C2orf76: variants seen among roughly 807,000 people sequenced by gnomAD.
C2orf76 encodes the protein UPF0538 protein C2orf76.
A neutral mutation model predicts 16.9 loss-of-function variants in C2orf76; 23 were observed. That is an observed-to-expected ratio of 1.36 (90% CI 0.98 to 1.93). C2orf76 has a LOEUF of 1.93. Ranked by LOEUF, C2orf76 falls within the 30% of genes most tolerant of loss-of-function variation. C2orf76 has a pLI of 0.00. For synonymous variants in C2orf76, 48 were observed against 52.3 expected, an observed-to-expected ratio of 0.92 and a Z score of 0.35; for missense variants, 152 against 152.6, an observed-to-expected ratio of 1.00 and a Z score of 0.02.
intron 2 of C2orf76, among the ~76,000 whole-genome samples, chr2:119,337,129 C>T (rs528126283): frequency 6.8e-4 from 104 of 151,986 alleles, no homozygotes; most frequent in African/African-American, 2.3e-3. Flanking sequence ...AATCAAAGCT[C>T]ACTGCAGCCT....
At chr2:119,359,214 A>G (rs1283701725) in intron 1 of C2orf76, among the ~76,000 whole-genome samples, 1 of 152,196 alleles carries the variant, frequency 6.6e-6, no homozygotes, top group Non-Finnish European at 1.5e-5. Context: ...TTTTAAGCCC[A>G]CTGTTGAGAC....
chr2:119,294,798 C>T, the C2orf76 span, among the ~76,000 whole-genome samples: 3 of 152,282 alleles, frequency 2.0e-5, no homozygotes, highest in Admixed American at 2.0e-4. Context: ...CACCCCACCA[C>T]GCGCAGTACA....
At chr2:119,302,952 T>TC (rs113439320) in intron 5 of C2orf76, among the ~76,000 whole-genome samples, 53,214 of 151,562 alleles carry the variant, frequency 0.35, 9,722 homozygotes, top group South Asian at 0.43. Flanking sequence ...AAAACTCTTT[T>TC]CCCCCCCTGA....
At chr2:119,367,125 C>A, upstream of C2orf76, 2 of 1,605,392 alleles carry the variant, frequency 1.2e-6, no homozygotes, top group Non-Finnish European at 1.7e-6. Flanking sequence ...GGGGCTCAGC[C>A]GGCTGCCAGA....
chr2:119,345,934 G>A (rs575767188), intron 1 of C2orf76, among the ~76,000 whole-genome samples: 13 of 151,522 alleles, frequency 8.6e-5, no homozygotes, highest in African/African-American at 1.9e-4. Flanking sequence ...GGTGGCGGGC[G>A]CCTGTAGCTA....
At chr2:119,329,768 T>G (rs1679615348) in intron 2 of C2orf76, among the ~76,000 whole-genome samples, 1 of 152,198 alleles carries the variant, frequency 6.6e-6, no homozygotes, top group Non-Finnish European at 1.5e-5. Context: ...TCTGCTGGCC[T>G]TTGTGCTACT....
chr2:119,311,205 C>G, intron 5 of C2orf76: 1 of 985,400 alleles, frequency 1.0e-6, no homozygotes. Flanking sequence ...CTGAGTGATT[C>G]GGAAGACTAT....
chr2:119,326,176 T>C (rs114904351), intron 2 of C2orf76, among the ~76,000 whole-genome samples: 2,247 of 152,348 alleles, frequency 0.015, 36 homozygotes, highest in Non-Finnish European at 0.021. Flanking sequence ...CTAAGGTTTG[T>C]TGCTGTTTTC....
At chr2:119,347,159 G>A (rs984757945) in intron 1 of C2orf76, among the ~76,000 whole-genome samples, 4 of 152,112 alleles carry the variant, frequency 2.6e-5, no homozygotes, top group African/African-American at 7.2e-5. Context: ...TGAATGAATC[G>A]AGCCTCCAGA....
chr2:119,302,562 GA>G lies in C2orf76; in HGVS notation c.305-15del. ...CAGTTTCACTGGCTGAAAAAAAACA[GA>G]AAATGGAAAAAAAGATTTTAATGTA... On this transcript the variant is annotated splice_polypyrimidine_tract_variant and intron_variant, in intron 5 of 5. Transcript: ENST00000334816. 2 of 1,465,892 alleles carry G rather than the reference GA, an allele frequency of 1.4e-6. No homozygotes were observed. Among genetic ancestry groups the G allele is most frequent in the Non-Finnish European group, 1.8e-6 (2 of 1,081,596 alleles). The allele number at this position is 1,465,892 out of a possible 1,614,324, so 90.8% of individuals were successfully genotyped here. A position where few individuals can be genotyped will look rare whatever the true frequency, so the allele number is the denominator to read the frequency against.
chr2:119,352,207 A>G (rs1159434437), intron 1 of C2orf76, among the ~76,000 whole-genome samples: 1 of 152,254 alleles, frequency 6.6e-6, no homozygotes, highest in Non-Finnish European at 1.5e-5. Flanking sequence ...ACTCCTAGAG[A>G]GAATCATTTT....
intron 2 of C2orf76, among the ~76,000 whole-genome samples, 191 bp downstream of exon 2, chr2:119,339,636 T>C (rs1255913646): frequency 1.3e-5 from 2 of 151,038 alleles, no homozygotes; most frequent in Non-Finnish European, 2.9e-5. Flanking sequence ...ACACAGACTA[T>C]TCAGTGAGAA....
downstream of C2orf76, chr2:119,302,192 A>G (rs1678636098): frequency 4.3e-6 from 1 of 232,232 alleles, no homozygotes; most frequent in African/African-American, 2.3e-5. Flanking sequence ...ATTTTAGAAA[A>G]CAAATTATAA....
intron 5 of C2orf76, among the ~76,000 whole-genome samples, chr2:119,306,688 G>C (rs1678797253): frequency 6.6e-6 from 1 of 151,972 alleles, no homozygotes; most frequent in Non-Finnish European, 1.5e-5. Context: ...TACAATTGCT[G>C]ACAAAAAATT....
chr2:119,347,341 AAG>A (rs1290902813), intron 1 of C2orf76, among the ~76,000 whole-genome samples: 2 of 152,228 alleles, frequency 1.3e-5, no homozygotes, highest in Non-Finnish European at 2.9e-5. Context: ...TATATATTAA[AAG>A]AGACTTAAAA....
At chr2:119,342,999 A>T (rs1680083809) in intron 1 of C2orf76, among the ~76,000 whole-genome samples, 1 of 152,094 alleles carries the variant, frequency 6.6e-6, no homozygotes, top group Admixed American at 6.5e-5. Flanking sequence ...TGAACTCATG[A>T]CCTCGGGTGA....
At chr2:119,344,285 G>A (rs1219349853) in intron 1 of C2orf76, among the ~76,000 whole-genome samples, 1 of 152,188 alleles carries the variant, frequency 6.6e-6, no homozygotes, top group African/African-American at 2.4e-5. Flanking sequence ...CAGCTTAGAA[G>A]ACTAACCTTA....
At chr2:119,318,434 T>A (rs1679245116) in intron 3 of C2orf76, among the ~76,000 whole-genome samples, 1 of 152,208 alleles carries the variant, frequency 6.6e-6, no homozygotes, top group Admixed American at 6.5e-5. Flanking sequence ...TATTTAACTA[T>A]GTTCTCATAA....
chr2:119,325,070 T>C (rs1195343286), intron 2 of C2orf76, among the ~76,000 whole-genome samples: 1 of 151,964 alleles, frequency 6.6e-6, no homozygotes, highest in Non-Finnish European at 1.5e-5. Flanking sequence ...GTGCAGGGGC[T>C]CACACCTGGA....
Sources: allele counts gnomAD v4.1 joint callset (sites outside exome capture counted in the v4.1 genomes callset), GRCh38; gene constraint gnomAD v4.1.1; transcripts MANE v1.5; gene names NCBI Gene and HGNC (gene_info 2026-07-23, HGNC 2026-07-21).